The following GBP4 variants were observed in gnomAD, a reference collection of about 807,000 sequenced individuals.
GBP4 encodes guanylate-binding protein 4.
A neutral mutation model predicts 62.2 loss-of-function variants in GBP4; 69 were observed. The ratio of observed to expected loss-of-function variants is 1.11; its 90% CI spans 0.91 to 1.36. The LOEUF is 1.36. Ranked by LOEUF, GBP4 falls within the 40% of genes most tolerant of loss-of-function variation. GBP4 has a pLI of 0.00. For missense variants in GBP4, 697 were observed against 759.3 expected (o/e 0.92, Z 0.96); for synonymous variants, 278 against 274.6 (o/e 1.01, Z -0.12).
In GBP4 at chr1:89,190,279, T is replaced by C; in HGVS notation, c.956A>G (p.Asn319Ser). The C allele has an allele frequency of 6.2e-7, 1 of 1,613,754 alleles. No individual in the cohort carries two copies. The highest frequency in any genetic ancestry group is 2.2e-5 in the East Asian group (1 of 44,862). ...TLVVTYVDAI[N>S]SGAVPCLENA... ...CTCCAGACAAGGTACTGCTCCACTG[T>C]TGATGGCATCTACATAAGTCACCAC... Residue 319 changes from asparagine to serine, a missense_variant, in exon 7 of 11, where the codon AAC becomes AGC. Transcript: ENST00000355754.
chr1:89,195,871 C>A (rs922562200), intron 2 of GBP4, among the ~76,000 whole-genome samples: 1 of 152,270 alleles, frequency 6.6e-6, no homozygotes, highest in Middle Eastern at 3.4e-3. Context: ...GGTACTTAAA[C>A]TTACTCATAG....
chr1:89,193,277 C>T, intron 4 of GBP4, 26 bp downstream of exon 4: 4 of 1,606,060 alleles, frequency 2.5e-6, no homozygotes, highest in Non-Finnish European at 3.4e-6. Flanking sequence ...CCCATAAAAC[C>T]TGCTCTTCAC....
intron 1 of GBP4, 137 bp downstream of exon 1, chr1:89,198,658 G>C: frequency 1.3e-6 from 1 of 770,758 alleles, no homozygotes; most frequent in South Asian, 1.4e-5. Flanking sequence ...ACTTCCCCGC[G>C]AGGTTCCTCC....
rs759572977 is a variant in GBP4 at position 89,195,349 on chromosome 1, G to C, written c.311C>G (p.Pro104Arg). ...GTCCAGAAGGACCAGGGTGTGGTTT[G>C]GCTTAGAGAGGTGGGGCACACACCA... ...WMWCVPHLSK[P>R]NHTLVLLDTE... Residue 104 changes from proline to arginine, a missense_variant, in exon 3 of 11, where the codon CCA (proline) becomes CGA (arginine). Physicochemically the swap from Pro to Arg is moderately radical, Grantham distance 103. This residue lies in a region of GBP4 where 556 missense variants were observed against 562.7 expected (regional missense o/e 0.99). Transcript: ENST00000355754. The C allele has an allele frequency of 1.9e-5, 30 of 1,613,936 alleles. No homozygotes were observed. The highest frequency in any genetic ancestry group is 2.7e-5 in the African/African-American group (2 of 74,928).
At position 89,190,260 on chromosome 1, in the gene GBP4, A is replaced by C; in HGVS notation, c.975T>G (p.Cys325Trp). 6.2e-7 allele frequency: 1 copy of C among 1,614,136 alleles called. No individual in the cohort carries two copies. The highest frequency in any genetic ancestry group is 8.5e-7 in the Non-Finnish European group (1 of 1,180,002). Residue 325 changes from cysteine (C) to tryptophan (W), a missense_variant, in exon 7 of 11, where the codon TGT (cysteine) becomes TGG (tryptophan). By Grantham distance (215) the Cys-to-Trp change is radical. Transcript: ENST00000355754. Reference sequence around the variant, plus strand: ...CCAGTGCTGTCACTGCATTCTCCAGACAAGGTACTGCTCCACTGTTGATGG... The same window carrying C: ...CCAGTGCTGTCACTGCATTCTCCAGCCAAGGTACTGCTCCACTGTTGATGG... ...VDAINSGAVPCLENAVTALAQ... is the reference protein window; with the variant it reads ...VDAINSGAVPWLENAVTALAQ...
chr1:89,181,220 A>G lies in GBP4; in HGVS notation c.*4034T>C, dbSNP rs1570369131. Reference sequence around the variant, plus strand: ...CCGAAAAGACAGTCAGTGAAGGGAGATAGGGTTGGGACCATTTTACAGGAT... The same window carrying G: ...CCGAAAAGACAGTCAGTGAAGGGAGGTAGGGTTGGGACCATTTTACAGGAT... On this transcript the variant is annotated 3_prime_UTR_variant, in exon 11 of 11. Transcript: ENST00000355754. The G allele has an allele frequency of 1.3e-5, 2 of 152,100 alleles. No homozygotes were observed. The highest frequency in any genetic ancestry group is 3.9e-4 in the East Asian group (2 of 5,194). 9.4% of individuals were successfully genotyped at this position (152,100 alleles called of 1,614,324 possible). A position where few individuals can be genotyped will look rare whatever the true frequency, so the allele number is the denominator to read the frequency against.
intron 2 of GBP4, among the ~76,000 whole-genome samples, chr1:89,195,754 G>T (rs989255196): frequency 1.3e-5 from 2 of 151,952 alleles, no homozygotes; most frequent in Non-Finnish European, 2.9e-5. Context: ...TAGGTAGATT[G>T]TCTTAAAAGT....
chr1:89,193,331 T>C lies in GBP4; in HGVS notation c.445A>G (p.Ile149Val), dbSNP rs904938437. 1 of 1,614,152 alleles carries C rather than the reference T, an allele frequency of 6.2e-7. No homozygotes were observed. The highest frequency in any genetic ancestry group is 1.1e-5 in the South Asian group (1 of 91,086). ...AGCTGCTCCAGGGCCTGGTGGTTGA[T>C]GGTGCTCACGCTGTTATAGACAAAG... ...SSFVYNSVST[I>V]NHQALEQLHY... The change falls in exon 4 of 11, where the codon ATC becomes GTC. Residue 149 changes from isoleucine to valine, a missense_variant. By Grantham distance (29) the Ile-to-Val change is conservative. Around this residue, in one of 2 missense-constraint regions of GBP4, gnomAD observed 556 missense variants for 562.7 expected, o/e 0.99. Transcript: ENST00000355754.
rs1003131946 is a variant in GBP4, at chr1:89,197,204, G to T, written c.141C>A (p.Asp47Glu). 1.8e-5 allele frequency: 29 copies of T among 1,613,972 alleles called. No homozygotes were observed. The highest frequency in any genetic ancestry group is 2.2e-5 in the Non-Finnish European group (26 of 1,179,998). Residue 47 changes from aspartate to glutamate, a missense_variant, in exon 2 of 11, where the codon GAC becomes GAA. Asp to Glu is a conservative substitution (Grantham distance 45, BLOSUM62 2). Transcript: ENST00000355754. ...TVNSKALEIL[D>E]KISQPVVVVA... ...CCACCACCACGGGCTGAGAAATCTTGTCAAGAATCTCTAATGCCTTTGAAT... is the reference window on the plus strand; with the variant it reads ...CCACCACCACGGGCTGAGAAATCTTTTCAAGAATCTCTAATGCCTTTGAAT...
intron 2 of GBP4, 122 bp downstream of exon 2, chr1:89,196,988 A>G: frequency 1.5e-6 from 1 of 686,486 alleles, no homozygotes; most frequent in Non-Finnish European, 2.3e-6. Flanking sequence ...AGTGGTGAGA[A>G]TTAGAAGTTT....
rs1197245127 is a variant in GBP4 at position 89,191,292 on chromosome 1, G to A, written c.885C>T (p.Thr295=). 6.2e-7 allele frequency: 1 copy of A among 1,613,684 alleles called. No individual in the cohort carries two copies. The highest frequency in any genetic ancestry group is 8.5e-7 in the Non-Finnish European group (1 of 1,179,740). Residue 295 remains threonine, a synonymous_variant, in exon 6 of 11, where the codon ACC becomes ACT. Coordinates refer to ENST00000355754, the MANE Select transcript of GBP4 (RefSeq NM_052941.5). The stretch of plus-strand genomic sequence containing the variant: ...CAGTGACAATGATTCCCTCTCTCAG[G>A]GTCTTGGTCTTTGCATGGGTGAAGA... The part of the protein sequence containing the change: ...SYIFTHAKTK[T]LREGIIVTGK...
rs775559449 is a variant in GBP4 at position 89,188,678 on chromosome 1, T to C, written c.1314A>G (p.Arg438=). Residue 438 remains arginine (R), a synonymous_variant, in exon 8 of 11, where the codon AGA becomes AGG. Transcript: ENST00000355754. ...GTCCTCCAGGAACAGAGAAAATTCC[T>C]CTCAAAATGCTTTCTGTCAGGTGCT... ...LSEHLTESIL[R]GIFSVPGGHN... is the part of the protein sequence containing the mutation. The C allele has an allele frequency of 5.0e-6, 8 of 1,614,250 alleles. No homozygotes were observed. The East Asian group carries it at 1.8e-4, about 36-fold the overall frequency.
rs1419988819 is a variant in GBP4 at position 89,183,071 on chromosome 1, A to G, written c.*2183T>C. ...AGAAACTACTTTAAAATTCATATGG[A>G]ACCAAAAAAGAGCCTAGCCAAGGCA... On this transcript the variant is annotated 3_prime_UTR_variant, in exon 11 of 11. Transcript: ENST00000355754. 1 of 152,216 alleles carries G rather than the reference A, an allele frequency of 6.6e-6. No homozygotes were observed. The highest frequency in any genetic ancestry group is 1.5e-5 in the Non-Finnish European group (1 of 68,040). 9.4% of individuals were successfully genotyped at this position (152,216 alleles called of 1,614,324 possible).
chr1:89,195,311 C>T lies in GBP4; in HGVS notation c.349G>A (p.Gly117Ser), dbSNP rs778407363. 3 of 1,613,750 alleles carry T rather than the reference C, an allele frequency of 1.9e-6. No individual in the cohort carries two copies. The African/African-American group carries it at 4.0e-5, about 22-fold the overall frequency. Residue 117 changes from glycine (G) to serine (S), a missense_variant, in exon 3 of 11, where the codon GGC (glycine) becomes AGC (serine). This residue lies in a region of GBP4 where 556 missense variants were observed against 562.7 expected (regional missense o/e 0.99). Transcript: ENST00000355754. ...CTCTGCCTTACCTTTTCTACATCGCCCAGGCCCTCGGTGTCCAGAAGGACC... is the reference window on the plus strand; with the variant it reads ...CTCTGCCTTACCTTTTCTACATCGCTCAGGCCCTCGGTGTCCAGAAGGACC... Reference protein sequence around the residue: ...TLVLLDTEGLGDVEKSNPKND... With the variant: ...TLVLLDTEGLSDVEKSNPKND...
rs1269562825 is a variant in GBP4, at chr1:89,181,374, A to G, written c.*3880T>C. 2 of 152,028 alleles carry G rather than the reference A, an allele frequency of 1.3e-5. No homozygotes were observed. Among genetic ancestry groups the G allele is most frequent in the Non-Finnish European group, 2.9e-5 (2 of 68,018 alleles). 9.4% of individuals were successfully genotyped at this position (152,028 alleles called of 1,614,324 possible). A position where few individuals can be genotyped will look rare whatever the true frequency, so the allele number is the denominator to read the frequency against. ...CCAGGAGAAGGAATTTCACAAGGTA[A>G]TGTCATCAGTTAAGGCAGGAACAGG... On this transcript the variant is annotated 3_prime_UTR_variant, in exon 11 of 11. Transcript: ENST00000355754.
At chr1:89,190,412 ATTATC>A (rs1648150233) in intron 6 of GBP4, 94 bp from the exon 7 acceptor site, 1 of 1,141,098 alleles carries the variant, frequency 8.8e-7, no homozygotes, top group Admixed American at 2.6e-5. Context: ...AAAAATTCTA[ATTATC>A]TTGAAGTTTC....
Position 89,193,359 on chromosome 1 carries a change from G to A in GBP4, c.417C>T (p.Ser139=), listed in dbSNP as rs781745056. Residue 139 remains serine, a synonymous_variant, in exon 4 of 11, where the codon AGC becomes AGT. Coordinates refer to ENST00000355754, the MANE Select transcript of GBP4 (RefSeq NM_052941.5). ...TGCTCACGCTGTTATAGACAAAGCTGCTGCTTAGAAGCACAGCCAGGGCAA... is the reference window on the plus strand; with the variant it reads ...TGCTCACGCTGTTATAGACAAAGCTACTGCTTAGAAGCACAGCCAGGGCAA... ...WIFALAVLLS[S]SFVYNSVSTI... 5 of 1,614,048 alleles carry A rather than the reference G, an allele frequency of 3.1e-6. No individual in the cohort carries two copies. In the African/African-American group the frequency reaches 6.7e-5, roughly 22 times the overall value.
Position 89,194,942 on chromosome 1 carries a change from C to A in GBP4, c.363+355G>T, listed in dbSNP as rs545730518. Among the ~76,000 whole-genome samples, 7 of 152,282 alleles carry A rather than the reference C, an allele frequency of 4.6e-5. No individual in the cohort carries two copies. In the South Asian group the frequency reaches 1.5e-3, roughly 32 times the overall value. ...GACTGAACTAGCTTCTCACTTTTTG[C>A]ATCTGTGAAACCCTGTACTTATCAT... On this transcript the variant is annotated intron_variant, in intron 3 of 10. Coordinates refer to ENST00000355754, the MANE Select transcript of GBP4 (RefSeq NM_052941.5).
In GBP4 at chr1:89,184,526, C is replaced by A. The variant is rs1281784319; in HGVS notation, c.*728G>T. 6.6e-6 allele frequency: 1 copy of A among 152,106 alleles called. No homozygotes were observed. Among genetic ancestry groups the A allele is most frequent in the Non-Finnish European group, 1.5e-5 (1 of 68,000 alleles). The allele number at this position is 152,106 out of a possible 1,614,324, so 9.4% of individuals were successfully genotyped here. On this transcript the variant is annotated 3_prime_UTR_variant, in exon 11 of 11. Transcript: ENST00000355754. ...TGGAATACTATGCAGCCATAAAAAA[C>A]AACAAGATCATGTCCTCTGTAGCAA...
Sources: gnomAD v4.1 joint callset for allele counts (sites outside exome capture counted in the v4.1 genomes callset) on GRCh38, gnomAD v4.1.1 for gene constraint, gnomAD v4.1.1 regional missense constraint, MANE v1.5 for transcripts, NCBI Gene and HGNC (gene_info 2026-07-23, HGNC 2026-07-21) for gene names.